Variants in OR9Q1 observed in about 807,000 individuals in gnomAD.
The protein encoded by OR9Q1 is olfactory receptor 9Q1.
For missense variants in OR9Q1, 374 were observed against 378.8 expected (o/e 0.99, Z 0.11); for synonymous variants, 153 against 148.6 (o/e 1.03, Z -0.22).
In OR9Q1 at chr11:58,179,855, A is replaced by G. The variant is rs1363884308; in HGVS notation, c.411A>G (p.Thr137=). The G allele has an allele frequency of 1.9e-6, 3 of 1,614,156 alleles. No individual in the cohort carries two copies. The Admixed American group carries it at 5.0e-5, about 27-fold the overall frequency. ...CCCTGCTTTATGTCACCATCCTGAC[A>G]CAGCAGGCCCGCTTGAGTCTTGTGG... is the stretch of plus-strand genomic sequence containing the variant. ...CQPLLYVTIL[T]QQARLSLVAG... Residue 137 remains threonine (T), a synonymous_variant, in exon 3 of 3, where the codon ACA becomes ACG. Coordinates refer to ENST00000335397, the MANE Select transcript of OR9Q1 (RefSeq NM_001005212.4).
intron 2 of OR9Q1, among the ~76,000 whole-genome samples, chr11:58,169,568 T>C (rs1490707567): frequency 6.6e-6 from 1 of 152,176 alleles, no homozygotes; most frequent in African/African-American, 2.4e-5. Context: ...AAATTTCATT[T>C]TAACTGAATT....
intron 2 of OR9Q1, among the ~76,000 whole-genome samples, chr11:58,135,506 CTTT>C (rs1467401995): frequency 2.0e-5 from 3 of 152,124 alleles, no homozygotes; most frequent in African/African-American, 7.2e-5. Flanking sequence ...CCTCTTTCTT[CTTT>C]AAGTCAGCAC....
intron 2 of OR9Q1, among the ~76,000 whole-genome samples, chr11:58,165,879 C>T (rs1189646931): frequency 2.0e-5 from 3 of 152,174 alleles, no homozygotes; most frequent in African/African-American, 7.2e-5. Context: ...AAATTATGTA[C>T]CTTCAAAAGT....
chr11:58,097,283 C>G (rs962419705), intron 2 of OR9Q1, among the ~76,000 whole-genome samples: 40 of 152,306 alleles, frequency 2.6e-4, no homozygotes, highest in African/African-American at 9.1e-4. Flanking sequence ...TGTTGTGAAT[C>G]AAGCTTCTGA....
chr11:58,138,394 T>A (rs547932404), intron 2 of OR9Q1, among the ~76,000 whole-genome samples: 2 of 152,322 alleles, frequency 1.3e-5, no homozygotes, highest in Admixed American at 6.5e-5. Context: ...TTACCCACTT[T>A]GAGTCTTATT....
chr11:58,120,846 T>C (rs1183012716), intron 2 of OR9Q1, among the ~76,000 whole-genome samples: 1 of 138,576 alleles, frequency 7.2e-6, no homozygotes, highest in African/African-American at 2.7e-5. Context: ...TCTTGTTTTT[T>C]GACTGAGTAA....
intron 2 of OR9Q1, among the ~76,000 whole-genome samples, chr11:58,093,148 A>C (rs1266724507): frequency 6.6e-6 from 1 of 152,198 alleles, no homozygotes; most frequent in Non-Finnish European, 1.5e-5. Flanking sequence ...AAAATTATGC[A>C]TACCACACTG....
intron 2 of OR9Q1, among the ~76,000 whole-genome samples, chr11:58,131,636 A>T (rs1055468649): frequency 6.6e-6 from 1 of 152,072 alleles, no homozygotes; most frequent in Non-Finnish European, 1.5e-5. Context: ...GTTCAACAGC[A>T]TGTGGTATGT....
intron 2 of OR9Q1, chr11:58,119,608 G>A: frequency 1.7e-6 from 1 of 583,528 alleles, no homozygotes; most frequent in Non-Finnish European, 3.0e-6. Flanking sequence ...ATTTTCCTTG[G>A]GCATCTCTTG....
intron 2 of OR9Q1, among the ~76,000 whole-genome samples, chr11:58,096,010 G>A (rs1853727600): frequency 6.6e-6 from 1 of 151,960 alleles, no homozygotes. Flanking sequence ...GAAAAATTTG[G>A]GACAAATGTT....
intron 2 of OR9Q1, among the ~76,000 whole-genome samples, chr11:58,178,877 T>C (rs1854629205): frequency 6.8e-6 from 1 of 145,996 alleles, no homozygotes. Flanking sequence ...ATTTTATATG[T>C]ATATATTATA....
At chr11:58,041,446 G>A (rs1853161588) in intron 1 of OR9Q1, 1 of 153,668 alleles carries the variant, frequency 6.5e-6, no homozygotes, top group Admixed American at 6.5e-5. Context: ...GGCCAAGGAG[G>A]ACAGCAGGAG....
chr11:58,127,940 TG>T (rs983160861), intron 2 of OR9Q1, among the ~76,000 whole-genome samples: 11 of 152,320 alleles, frequency 7.2e-5, no homozygotes, highest in Non-Finnish European at 1.0e-4. Flanking sequence ...AAAGTGTTTT[TG>T]GTTACATCAA....
chr11:58,106,400 C>T (rs1249422519), intron 2 of OR9Q1, among the ~76,000 whole-genome samples: 1 of 152,016 alleles, frequency 6.6e-6, no homozygotes, highest in Non-Finnish European at 1.5e-5. Context: ...CAATTAACTT[C>T]TTATTAAACA....
chr11:58,138,454 AC>A, intron 2 of OR9Q1, among the ~76,000 whole-genome samples: 1 of 152,246 alleles, frequency 6.6e-6, no homozygotes, highest in East Asian at 1.9e-4. Context: ...CAACTTAAAA[AC>A]CTAGTGTTTG....
chr11:58,048,679 A>AATAT (rs1554965248), intron 1 of OR9Q1, among the ~76,000 whole-genome samples: 55 of 131,428 alleles, frequency 4.2e-4, no homozygotes, highest in Middle Eastern at 3.8e-3. Context: ...TAAAAAAAAA[A>AATAT]ATATATATAT....
At chr11:58,121,227 T>C (rs750413821) in intron 2 of OR9Q1, among the ~76,000 whole-genome samples, 11 of 152,230 alleles carry the variant, frequency 7.2e-5, no homozygotes, top group South Asian at 4.1e-4. Flanking sequence ...ATTTGAGTCA[T>C]GGAAATTTTG....
Position 58,179,925 on chromosome 11 carries a change from G to T in OR9Q1, c.481G>T (p.Val161Phe). Residue 161 changes from valine to phenylalanine, a missense_variant, in exon 3 of 3, where the codon GTC becomes TTC. Transcript: ENST00000335397. ...AGLISALVRTVSAFTLSFCGT... is the reference protein window; with the variant it reads ...AGLISALVRTFSAFTLSFCGT... ...TCTCATCAGTGCCTTGGTGCGGACA[G>T]TCTCAGCCTTCACTCTCTCCTTCTG... The T allele has an allele frequency of 6.2e-7, 1 of 1,614,186 alleles. No homozygotes were observed. Among genetic ancestry groups the T allele is most frequent in the South Asian group, 1.1e-5 (1 of 91,082 alleles).
intron 1 of OR9Q1, among the ~76,000 whole-genome samples, chr11:58,035,477 CT>C (rs1307873425): frequency 6.6e-6 from 1 of 152,078 alleles, no homozygotes; most frequent in Non-Finnish European, 1.5e-5. Flanking sequence ...TGAAGTAAGG[CT>C]TAAAAAGACA....
Sources: gnomAD v4.1 joint callset for allele counts (sites outside exome capture counted in the v4.1 genomes callset) on GRCh38, gnomAD v4.1.1 for gene constraint, MANE v1.5 for transcripts, NCBI Gene and HGNC (gene_info 2026-07-23, HGNC 2026-07-21) for gene names.